The following HECTD2 variants were observed in gnomAD, a reference collection of about 807,000 sequenced individuals.
The protein encoded by HECTD2 is probable E3 ubiquitin-protein ligase HECTD2.
A neutral mutation model predicts 103.2 loss-of-function variants in HECTD2; 35 were observed. The observed-to-expected ratio is 0.34, with a 90% CI of 0.26 to 0.45. HECTD2 has a LOEUF of 0.45. Ranked by LOEUF, HECTD2 falls within the 20% of genes least tolerant of loss-of-function variation. HECTD2 has a pLI of 1.00. For missense variants in HECTD2, 596 were observed against 937.4 expected, an observed-to-expected ratio of 0.64 and a Z score of 4.76; for synonymous variants, 281 against 329.9, an observed-to-expected ratio of 0.85 and a Z score of 1.61.
intron 20 of HECTD2, among the ~76,000 whole-genome samples, chr10:91,504,641 C>G (rs1176435512): frequency 2.0e-5 from 3 of 151,900 alleles, no homozygotes; most frequent in African/African-American, 7.3e-5. Flanking sequence ...AAGACCAAAT[C>G]TACGTCTGAT....
chr10:91,473,332 TATAA>T (rs1845794579), intron 5 of HECTD2, among the ~76,000 whole-genome samples: 1 of 152,100 alleles, frequency 6.6e-6, no homozygotes, highest in Non-Finnish European at 1.5e-5. Context: ...AAGAAAAGAA[TATAA>T]ACATTGATTG....
At chr10:91,437,773 A>G (rs1181673009) in intron 2 of HECTD2, among the ~76,000 whole-genome samples, 1 of 151,832 alleles carries the variant, frequency 6.6e-6, no homozygotes, top group Non-Finnish European at 1.5e-5. Context: ...GAATTTCTCT[A>G]TTACAGGCCG....
At chr10:91,496,959 ATCTT>A (rs1400169425) in intron 15 of HECTD2, among the ~76,000 whole-genome samples, 72 of 148,596 alleles carry the variant, frequency 4.8e-4, no homozygotes, top group Middle Eastern at 3.5e-3. Context: ...ATGTAAGAAA[ATCTT>A]TCTTTTTTTT....
intron 20 of HECTD2, among the ~76,000 whole-genome samples, chr10:91,502,584 A>G (rs1846947227): frequency 1.3e-5 from 2 of 152,180 alleles, no homozygotes; most frequent in African/African-American, 2.4e-5. Context: ...CATCAAGATT[A>G]TATTTAAAAC....
chr10:91,437,378 C>T (rs904084714), intron 2 of HECTD2, among the ~76,000 whole-genome samples: 11 of 151,920 alleles, frequency 7.2e-5, no homozygotes, highest in Non-Finnish European at 1.3e-4. Context: ...AGCATGGTGA[C>T]GGAATTCCAA....
intron 2 of HECTD2, among the ~76,000 whole-genome samples, chr10:91,456,002 A>G (rs990574948): frequency 6.6e-6 from 1 of 152,092 alleles, no homozygotes; most frequent in Non-Finnish European, 1.5e-5. Context: ...GAAGTCAGGT[A>G]GCGTGATGCC....
chr10:91,494,868 A>G (rs532876467), intron 14 of HECTD2, among the ~76,000 whole-genome samples: 1 of 152,030 alleles, frequency 6.6e-6, no homozygotes, highest in South Asian at 2.1e-4. Flanking sequence ...TTAGATTTGG[A>G]TGATATTTTG....
rs1378775268 is a variant in HECTD2, at chr10:91,459,957, A to G, written c.269-470A>G. ...AGGCTATACCATCTAGGTTTGTGTA[A>G]GTACATTGTATGATGTCCACACAGT... On this transcript the variant is annotated intron_variant, in intron 2 of 20. Coordinates refer to ENST00000298068, the MANE Select transcript of HECTD2 (RefSeq NM_182765.6). Among the ~76,000 whole-genome samples the G allele has an allele frequency of 2.0e-5, 3 of 152,116 alleles. No individual in the cohort carries two copies. In the East Asian group the frequency reaches 5.8e-4, roughly 29 times the overall value.
intron 20 of HECTD2, among the ~76,000 whole-genome samples, chr10:91,507,240 C>T: frequency 6.6e-6 from 1 of 151,044 alleles, no homozygotes; most frequent in Non-Finnish European, 1.5e-5. Flanking sequence ...TCTCTCACCA[C>T]TCCTATTCAA....
At chr10:91,505,491 G>A (rs1847118621) in intron 20 of HECTD2, among the ~76,000 whole-genome samples, 1 of 151,686 alleles carries the variant, frequency 6.6e-6, no homozygotes, top group Admixed American at 6.6e-5. Context: ...TGATAAAACA[G>A]ACTTTAAACC....
At chr10:91,511,169 T>C (rs1030549426) in intron 20 of HECTD2, among the ~76,000 whole-genome samples, 5 of 152,216 alleles carry the variant, frequency 3.3e-5, no homozygotes, top group African/African-American at 7.2e-5. Flanking sequence ...TGTATTCACA[T>C]TTTTATTCAT....
chr10:91,410,700 G>T (rs1842885530), intron 1 of HECTD2, 124 bp downstream of exon 1: 3 of 869,978 alleles, frequency 3.4e-6, no homozygotes, highest in Non-Finnish European at 4.6e-6. Flanking sequence ...CCAGGGAGAC[G>T]CACTCAGGCC....
At chr10:91,431,384 CT>C (rs1843860079) in intron 2 of HECTD2, among the ~76,000 whole-genome samples, 1 of 152,026 alleles carries the variant, frequency 6.6e-6, no homozygotes, top group Non-Finnish European at 1.5e-5. Context: ...CAAGGAGTAT[CT>C]TTGTGGAGTT....
intron 20 of HECTD2, among the ~76,000 whole-genome samples, chr10:91,509,073 G>A (rs1399543854): frequency 7.0e-6 from 1 of 143,602 alleles, no homozygotes. Context: ...GAATTGAACA[G>A]TGAGATCACA....
intron 2 of HECTD2, among the ~76,000 whole-genome samples, chr10:91,431,248 T>A (rs1354068368): frequency 2.6e-5 from 4 of 151,910 alleles, no homozygotes; most frequent in East Asian, 1.9e-4. Context: ...CCGAGAGATC[T>A]GCTGTTAGTC....
chr10:91,471,819 A>G (rs556852637), intron 5 of HECTD2, among the ~76,000 whole-genome samples: 116 of 152,318 alleles, frequency 7.6e-4, no homozygotes, highest in African/African-American at 2.8e-3. Context: ...AGATGAACAA[A>G]CAAATGGTAA....
At chr10:91,455,146 C>T (rs1845026384) in intron 2 of HECTD2, among the ~76,000 whole-genome samples, 1 of 152,194 alleles carries the variant, frequency 6.6e-6, no homozygotes, top group Admixed American at 6.5e-5. Context: ...AATCGCCACA[C>T]TGTCTTCCAC....
At chr10:91,430,298 A>G (rs1843788023) in intron 2 of HECTD2, among the ~76,000 whole-genome samples, 1 of 152,100 alleles carries the variant, frequency 6.6e-6, no homozygotes, top group Admixed American at 6.6e-5. Flanking sequence ...TTTACTTCCA[A>G]GTATGTGGTC....
rs1445903680 is a variant in HECTD2, at chr10:91,514,608, T to G, written c.*2224T>G. ...ATTACACAGTATTTATCAGTATTTTTTAAACATCCTGTCCTTTTTTAAAAT... is the reference window on the plus strand; with the variant it reads ...ATTACACAGTATTTATCAGTATTTTGTAAACATCCTGTCCTTTTTTAAAAT... On this transcript the variant is annotated 3_prime_UTR_variant, in exon 21 of 21. Transcript: ENST00000298068. The G allele has an allele frequency of 1.3e-5, 2 of 152,648 alleles. No homozygotes were observed. The highest frequency in any genetic ancestry group is 1.3e-4 in the Admixed American group (2 of 15,272). 9.5% of individuals were successfully genotyped at this position (152,648 alleles called of 1,614,324 possible). A position where few individuals can be genotyped will look rare whatever the true frequency, so the allele number is the denominator to read the frequency against.
Sources: allele counts gnomAD v4.1 joint callset (sites outside exome capture counted in the v4.1 genomes callset), GRCh38; gene constraint gnomAD v4.1.1; transcripts MANE v1.5; gene names NCBI Gene and HGNC (gene_info 2026-07-23, HGNC 2026-07-21).